The following ARMC2 variants were observed in gnomAD, a reference collection of about 807,000 sequenced individuals.
The protein encoded by ARMC2 is armadillo repeat containing 2.
A neutral mutation model predicts 90.3 loss-of-function variants in ARMC2; 67 were observed. The ratio of observed to expected loss-of-function variants is 0.74; its 90% CI spans 0.61 to 0.91. The LOEUF (loss-of-function observed/expected upper bound fraction) is 0.91. Ranked by LOEUF, ARMC2 falls within the 40% of genes least tolerant of loss-of-function variation. ARMC2 has a pLI of 0.00. For synonymous variants in ARMC2, 393 were observed against 393.0 expected (o/e 1.00, Z 0.00); for missense variants, 920 against 1,030.9 (o/e 0.89, Z 1.47).
Position 108,871,833 on chromosome 6 carries a change from A to G in ARMC2, c.463+2838A>G, listed in dbSNP as rs559677225. Reference sequence around the variant, plus strand: ...AGCTTCACACCTCCAAGGTGCACTGAAGCATGTTTTCATCGTGGTTCTTTT... The same window carrying G: ...AGCTTCACACCTCCAAGGTGCACTGGAGCATGTTTTCATCGTGGTTCTTTT... On this transcript the variant is annotated intron_variant, in intron 4 of 17. Transcript: ENST00000392644. Among the ~76,000 whole-genome samples the G allele has an allele frequency of 1.8e-4, 28 of 152,316 alleles. No homozygotes were observed. In the South Asian group the frequency reaches 5.8e-3, roughly 32 times the overall value.
chr6:108,868,908 A>G lies in ARMC2; in HGVS notation c.376A>G (p.Arg126Gly). 6.2e-7 allele frequency: 1 copy of G among 1,614,026 alleles called. No homozygotes were observed. Among genetic ancestry groups the G allele is most frequent in the Non-Finnish European group, 8.5e-7 (1 of 1,179,890 alleles). The change falls in exon 4 of 18, where the codon AGA becomes GGA. Residue 126 changes from arginine (R) to glycine (G), a missense_variant. Arg to Gly is a moderately radical substitution (Grantham distance 125, BLOSUM62 -2). Coordinates refer to ENST00000392644, the MANE Select transcript of ARMC2 (RefSeq NM_032131.6). ...PKPPVDPAKI[R>G]RVSNARARLF... Reference sequence around the variant, plus strand: ...GCCCCCAGTGGACCCTGCGAAGATTAGAAGAGTAAGCAACGCCAGGGCTCG... The same window carrying G: ...GCCCCCAGTGGACCCTGCGAAGATTGGAAGAGTAAGCAACGCCAGGGCTCG...
chr6:109,023,141 T>A, the ARMC2 span, among the ~76,000 whole-genome samples: 1 of 152,182 alleles, frequency 6.6e-6, no homozygotes, highest in African/African-American at 2.4e-5. Context: ...CTATAACATC[T>A]CTCAATATAT....
chr6:109,000,417 G>A, the ARMC2 span: 5 of 1,188,402 alleles, frequency 4.2e-6, no homozygotes, highest in African/African-American at 3.1e-5. Flanking sequence ...CTTTCTGTGC[G>A]ATTTTTCTGT....
At chr6:108,987,544 T>C in the ARMC2 span, 3 of 1,549,906 alleles carry the variant, frequency 1.9e-6, no homozygotes, top group Non-Finnish European at 2.7e-6. Flanking sequence ...AGGAAAGGCA[T>C]CAGGTCATAT....
intron 5 of ARMC2, among the ~76,000 whole-genome samples, chr6:108,890,032 C>CA (rs1173812035): frequency 3.4e-5 from 5 of 146,572 alleles, no homozygotes; most frequent in Non-Finnish European, 7.5e-5. Flanking sequence ...ACTAAAAATA[C>CA]AAAAAAAATT....
intron 5 of ARMC2, among the ~76,000 whole-genome samples, chr6:108,878,095 C>T (rs894725845): frequency 3.3e-5 from 5 of 152,040 alleles, no homozygotes; most frequent in South Asian, 2.1e-4. Flanking sequence ...AAAAAGTTTA[C>T]GTAGTAGGAT....
At chr6:108,960,579 G>C (rs1471096990) in intron 13 of ARMC2, among the ~76,000 whole-genome samples, 1 of 152,218 alleles carries the variant, frequency 6.6e-6, no homozygotes, top group African/African-American at 2.4e-5. Flanking sequence ...TTTTAGGGCT[G>C]AAAGACAAAC....
intron 3 of ARMC2, 90 bp downstream of exon 3, chr6:108,858,361 A>G (rs1436909436): frequency 1.1e-5 from 10 of 897,796 alleles, no homozygotes; most frequent in African/African-American, 5.0e-5. Flanking sequence ...TATATATGCT[A>G]TGATAATTAT....
rs11153136 is a variant in ARMC2 at position 108,912,522 on chromosome 6, T to C, written c.1314T>C (p.Gly438=). The change falls in exon 10 of 18, where the codon GGT becomes GGC. Residue 438 remains glycine (G), a synonymous_variant. Transcript: ENST00000392644. ...TAAATGAGAACATCAAGAAATGTGG[T>C]ACATTTTTGCCTAATTCGGGCCACT... ...KQINENIKKC[G]TFLPNSGHLL... 0.035 allele frequency: 55,828 copies of C among 1,613,896 alleles called. 2,518 individuals are homozygous for C. Among genetic ancestry groups the C allele is most frequent in the East Asian group, 0.21 (9,379 of 44,884 alleles).
rs74678536 is a variant in ARMC2 at position 108,887,983 on chromosome 6, A to G, written c.672-6484A>G. ...TGCCTTAGTGAACATGCAGGAAAAG[A>G]TTAGAGACACCCACCACTGTGACGT... is the stretch of plus-strand genomic sequence containing the variant. On this transcript the variant is annotated intron_variant, in intron 5 of 17. Transcript: ENST00000392644. Among the ~76,000 whole-genome samples, 639 of 152,292 alleles carry G rather than the reference A, an allele frequency of 4.2e-3. 3 individuals are homozygous for G. The highest frequency in any genetic ancestry group is 0.014 in the African/African-American group (599 of 41,560).
rs927836330 is a variant in ARMC2, at chr6:108,890,220, A to C, written c.672-4247A>C. ...AAAAAAAAAAAAAAAAAAAAAAAAAAAAAAAAAAACAGTGGTTTCTTAGTT... is the reference window on the plus strand; with the variant it reads ...AAAAAAAAAAAAAAAAAAAAAAAAACAAAAAAAAACAGTGGTTTCTTAGTT... On this transcript the variant is annotated intron_variant, in intron 5 of 17. Coordinates refer to ENST00000392644, the MANE Select transcript of ARMC2 (RefSeq NM_032131.6). Among the ~76,000 whole-genome samples the C allele has an allele frequency of 4.6e-4, 54 of 116,348 alleles. 2 individuals carry two copies. Among genetic ancestry groups the C allele is most frequent in the Non-Finnish European group, 6.3e-4 (35 of 55,338 alleles). The allele number at this position is 116,348 out of a possible 152,430, so 76.3% of individuals were successfully genotyped here.
At chr6:108,950,409 G>A (rs1253506279) in intron 12 of ARMC2, among the ~76,000 whole-genome samples, 1 of 152,180 alleles carries the variant, frequency 6.6e-6, no homozygotes, top group Non-Finnish European at 1.5e-5. Context: ...TAAAGACCAT[G>A]TAGTACATAT....
chr6:108,986,393 A>G, the ARMC2 span: 1 of 152,680 alleles, frequency 6.5e-6, no homozygotes, highest in African/African-American at 2.4e-5. Context: ...CAAAATTATT[A>G]CTAATAGTGA....
chr6:108,941,202 TCTC>T (rs975391470), intron 12 of ARMC2, among the ~76,000 whole-genome samples: 5 of 152,166 alleles, frequency 3.3e-5, no homozygotes, highest in Non-Finnish European at 7.4e-5. Flanking sequence ...CTCTGTGACT[TCTC>T]CTCTTCAAAG....
chr6:108,904,514 A>T (rs1772471997), intron 8 of ARMC2, 109 bp downstream of exon 8: 1 of 1,104,086 alleles, frequency 9.1e-7, no homozygotes, highest in East Asian at 2.9e-5. Flanking sequence ...GTATTTGTTT[A>T]GAATCTTGGA....
Position 108,865,651 on chromosome 6 carries a change from C to A in ARMC2, c.292-3173C>A, listed in dbSNP as rs141139077. On this transcript the variant is annotated intron_variant, in intron 3 of 17. Transcript: ENST00000392644. ...ATTGAGGAGCATTTGTGGGACTTTG[C>A]TCTTGCCCTGCAGAGAAAATTCGGT... Among the ~76,000 whole-genome samples, 622 of 152,248 alleles carry A rather than the reference C, an allele frequency of 4.1e-3. 2 individuals are homozygous for A. Among genetic ancestry groups the A allele is most frequent in the African/African-American group, 0.014 (584 of 41,564 alleles).
the ARMC2 span, among the ~76,000 whole-genome samples, chr6:108,988,842 ATAAG>A: frequency 6.6e-6 from 1 of 152,234 alleles, no homozygotes; most frequent in Non-Finnish European, 1.5e-5. Flanking sequence ...CTGCAGATGA[ATAAG>A]TGAGTATAAA....
chr6:108,869,514 GA>G (rs1374544878), intron 4 of ARMC2, among the ~76,000 whole-genome samples: 1 of 151,264 alleles, frequency 6.6e-6, no homozygotes, highest in Non-Finnish European at 1.5e-5. Flanking sequence ...CAACAAAAAA[GA>G]AAAAAAAGAA....
chr6:108,957,192 C>T (rs186980051), intron 13 of ARMC2, among the ~76,000 whole-genome samples: 43 of 152,320 alleles, frequency 2.8e-4, no homozygotes, highest in Admixed American at 2.5e-3. Context: ...TCTATTCTCT[C>T]CTGAAAGACT....
Sources: gnomAD v4.1 joint callset for allele counts (sites outside exome capture counted in the v4.1 genomes callset) on GRCh38, gnomAD v4.1.1 for gene constraint, MANE v1.5 for transcripts, NCBI Gene and HGNC (gene_info 2026-07-23, HGNC 2026-07-21) for gene names.